The following C6 variants were observed in gnomAD, a reference collection of about 807,000 sequenced individuals.
C6 encodes complement C6.
Under a neutral mutation model 112.9 loss-of-function variants are expected in C6, and 101 were observed. The observed-to-expected ratio is 0.89, with a 90% confidence interval of 0.76 to 1.06. C6 has a LOEUF of 1.06. Among genes scored for constraint, C6 ranks in the 50% least tolerant of loss-of-function variants. The pLI is 0.00. For synonymous variants in C6, 431 were observed against 384.1 expected (o/e 1.12, Z -1.43); for missense variants, 1,202 against 1,104.6 (o/e 1.09, Z -1.25).
intron 1 of C6, among the ~76,000 whole-genome samples, chr5:41,209,856 G>A (rs759345270): frequency 1.3e-5 from 2 of 152,128 alleles, no homozygotes; most frequent in African/African-American, 2.4e-5. Context: ...CACAGAATTG[G>A]TAAAAACTAC....
chr5:41,149,357 G>A lies in C6; in HGVS notation c.2507C>T (p.Ser836Phe), dbSNP rs546595899. The change falls in exon 17 of 18, where the codon TCC (serine) becomes TTC (phenylalanine). Residue 836 changes from serine (S) to phenylalanine (F), a missense_variant. Coordinates refer to ENST00000337836, the MANE Select transcript of C6 (RefSeq NM_000065.5). Reference sequence around the variant, plus strand: ...TTCTAACTGGCGGCCGTCTTGGCAGGAACCAATATGTAGAAAATGGAGTTG... The same window carrying A: ...TTCTAACTGGCGGCCGTCTTGGCAGAAACCAATATGTAGAAAATGGAGTTG... ...NQQLHFLHIG[S>F]CQDGRQLEWG... The A allele has an allele frequency of 1.3e-5, 21 of 1,614,066 alleles. 1 individual carries two copies. In the South Asian group the frequency reaches 2.0e-4, roughly 15 times the overall value.
intron 5 of C6, among the ~76,000 whole-genome samples, chr5:41,186,825 A>G (rs890448918): frequency 3.3e-5 from 5 of 152,124 alleles, no homozygotes; most frequent in Non-Finnish European, 7.4e-5. Context: ...AGATATAATT[A>G]TTATACCTGT....
Position 41,142,720 on chromosome 5 carries a change from C to A in C6, c.*105G>T. 1.1e-6 allele frequency: 1 copy of A among 907,000 alleles called. No individual in the cohort carries two copies. 56.2% of individuals were successfully genotyped at this position (907,000 alleles called of 1,614,324 possible). A position where few individuals can be genotyped will look rare whatever the true frequency, so the allele number is the denominator to read the frequency against. On this transcript the variant is annotated 3_prime_UTR_variant, in exon 18 of 18. Coordinates refer to ENST00000337836, the MANE Select transcript of C6 (RefSeq NM_000065.5). ...AACAGAAAATAATTTTTGTCAGTAACTTTGAGCATGCCAGTCTGCTGTTTG... is the reference window on the plus strand; with the variant it reads ...AACAGAAAATAATTTTTGTCAGTAAATTTGAGCATGCCAGTCTGCTGTTTG...
intron 1 of C6, among the ~76,000 whole-genome samples, chr5:41,258,272 T>C (rs1285464262): frequency 1.3e-5 from 2 of 152,204 alleles, no homozygotes; most frequent in Admixed American, 1.3e-4. Context: ...ACTTGTGAAG[T>C]CAAATTTCAT....
intron 1 of C6, among the ~76,000 whole-genome samples, chr5:41,256,407 A>T (rs563093352): frequency 2.4e-4 from 36 of 148,152 alleles, no homozygotes; most frequent in African/African-American, 8.9e-4. Flanking sequence ...GTGCACATAT[A>T]CCCTAAAACT....
At position 41,203,225 on chromosome 5, in the gene C6, G is replaced by C; in HGVS notation, c.6C>G (p.Ala2=). Residue 2 remains alanine, a synonymous_variant, in exon 2 of 18, where the codon GCC becomes GCG. Coordinates refer to ENST00000337836, the MANE Select transcript of C6 (RefSeq NM_000065.5). M[A]RRSVLYFILL... is the part of the protein sequence containing the mutation. ...GGATGAAGTACAAGACAGAGCGTCT[G>C]GCCATGCCTTGAGAGCCTCCAGGCC... The C allele has an allele frequency of 1.2e-6, 2 of 1,614,088 alleles. No homozygotes were observed. The highest frequency in any genetic ancestry group is 1.7e-6 in the Non-Finnish European group (2 of 1,179,978).
At position 41,153,937 on chromosome 5, in the gene C6, C is replaced by T. The variant is rs1289480350; in HGVS notation, c.2163G>A (p.Leu721=). 6.2e-7 allele frequency: 1 copy of T among 1,613,728 alleles called. No individual in the cohort carries two copies. Among genetic ancestry groups the T allele is most frequent in the East Asian group, 2.2e-5 (1 of 44,858 alleles). ...GCTCAATGGATTCACCAATTCTATA[C>T]AATCTCTGAAATGGTGTAATTGTCA... ...EVLTITPFQR[L]YRIGESIELT... is the part of the protein sequence containing the mutation. Residue 721 remains leucine, a synonymous_variant, in exon 15 of 18, where the codon TTG becomes TTA. Coordinates refer to ENST00000337836, the MANE Select transcript of C6 (RefSeq NM_000065.5).
chr5:41,162,054 A>G (rs1747570298), intron 9 of C6, among the ~76,000 whole-genome samples, 195 bp from the exon 10 acceptor site: 1 of 152,164 alleles, frequency 6.6e-6, no homozygotes, highest in African/African-American at 2.4e-5. Context: ...AATAATAATA[A>G]CAGTACTAAC....
intron 1 of C6, among the ~76,000 whole-genome samples, chr5:41,244,715 A>ATTT (rs10710295): frequency 1.1e-4 from 17 of 150,600 alleles, no homozygotes; most frequent in Non-Finnish European, 2.4e-4. Context: ...AGTCAAACAC[A>ATTT]TTTTTTTTTT....
At chr5:41,185,801 G>A (rs1383495720) in intron 6 of C6, among the ~76,000 whole-genome samples, 2 of 152,282 alleles carry the variant, frequency 1.3e-5, no homozygotes, top group Admixed American at 6.5e-5. Context: ...GCATGGACTC[G>A]AATCAGGAAA....
At chr5:41,184,583 T>C (rs1307916895) in intron 6 of C6, among the ~76,000 whole-genome samples, 2 of 152,200 alleles carry the variant, frequency 1.3e-5, no homozygotes, top group South Asian at 4.1e-4. Flanking sequence ...GCAATTCTCA[T>C]GCCTCAGACT....
At chr5:41,202,976 C>G in intron 2 of C6, 112 bp downstream of exon 2, 1 of 1,048,830 alleles carries the variant, frequency 9.5e-7, no homozygotes, top group East Asian at 2.4e-5. Context: ...TTTGTAAGTT[C>G]TTACTTTGAT....
intron 6 of C6, among the ~76,000 whole-genome samples, chr5:41,182,587 C>A (rs1561138924): frequency 6.6e-6 from 1 of 152,194 alleles, no homozygotes; most frequent in Non-Finnish European, 1.5e-5. Context: ...CATCTATCTT[C>A]ATAAGCTACA....
intron 5 of C6, among the ~76,000 whole-genome samples, chr5:41,191,847 TACAA>T (rs1275879637): frequency 7.3e-5 from 11 of 151,694 alleles, no homozygotes; most frequent in African/African-American, 2.7e-4. Context: ...TAATGTCATC[TACAA>T]ACAGTGACAA....
intron 15 of C6, among the ~76,000 whole-genome samples, chr5:41,151,546 G>A (rs1746393703): frequency 6.6e-6 from 1 of 152,174 alleles, no homozygotes; most frequent in African/African-American, 2.4e-5. Context: ...TAGGAATTTA[G>A]ATATTCATGT....
chr5:41,223,036 A>C (rs1004389809), intron 1 of C6, among the ~76,000 whole-genome samples: 7 of 152,164 alleles, frequency 4.6e-5, no homozygotes, highest in African/African-American at 1.7e-4. Flanking sequence ...ATTTGTTTTG[A>C]TCACAGATCT....
chr5:41,170,122 A>T (rs931979509), intron 9 of C6, among the ~76,000 whole-genome samples: 5 of 152,054 alleles, frequency 3.3e-5, no homozygotes, highest in African/African-American at 4.8e-5. Flanking sequence ...AACATTTTTT[A>T]AAAATACAGT....
intron 1 of C6, among the ~76,000 whole-genome samples, chr5:41,252,276 A>G (rs1580259630): frequency 6.6e-6 from 1 of 152,180 alleles, no homozygotes; most frequent in African/African-American, 2.4e-5. Flanking sequence ...CCAAAAATTA[A>G]ATTCTTAGCC....
chr5:41,163,854 G>C (rs1449751053), intron 9 of C6, among the ~76,000 whole-genome samples: 1 of 152,128 alleles, frequency 6.6e-6, no homozygotes, highest in East Asian at 1.9e-4. Flanking sequence ...TGATTTAACT[G>C]AAATAGCTCA....
Sources: allele counts gnomAD v4.1 joint callset (sites outside exome capture counted in the v4.1 genomes callset), GRCh38; gene constraint gnomAD v4.1.1; transcripts MANE v1.5; gene names NCBI Gene and HGNC (gene_info 2026-07-23, HGNC 2026-07-21).